The following KCNH8 variants were observed in gnomAD, a reference collection of about 807,000 sequenced individuals.
KCNH8 encodes the protein potassium voltage-gated channel subfamily H member 8, also known as voltage-gated delayed rectifier potassium channel KCNH8.
A neutral mutation model predicts 103.6 loss-of-function variants in KCNH8; 70 were observed. The ratio of observed to expected loss-of-function variants is 0.68; its 90% CI spans 0.56 to 0.82. The LOEUF (loss-of-function observed/expected upper bound fraction) is 0.82. KCNH8 is among the 40% of genes least tolerant of loss of function. KCNH8 has a pLI of 0.00. For missense variants in KCNH8, 1,217 were observed against 1,329.9 expected (o/e 0.92, Z 1.32); for synonymous variants, 498 against 489.4 (o/e 1.02, Z -0.23).
intron 8 of KCNH8, among the ~76,000 whole-genome samples, chr3:19,444,739 T>G (rs1298274763): frequency 6.7e-6 from 1 of 150,152 alleles, no homozygotes; most frequent in African/African-American, 2.4e-5. Flanking sequence ...GACAAACATA[T>G]ACAAAGGTGC....
At chr3:19,271,955 G>C (rs2064594488) in intron 2 of KCNH8, among the ~76,000 whole-genome samples, 1 of 152,000 alleles carries the variant, frequency 6.6e-6, no homozygotes, top group South Asian at 2.1e-4. Flanking sequence ...ATAATTCACT[G>C]AAAAATATAT....
At chr3:19,449,331 A>G (rs2125181936) in intron 8 of KCNH8, among the ~76,000 whole-genome samples, 1 of 150,012 alleles carries the variant, frequency 6.7e-6, no homozygotes, top group East Asian at 2.0e-4. Flanking sequence ...CTGCTGGTGC[A>G]TCTCATGGTG....
At chr3:19,190,511 A>G (rs114237641) in intron 1 of KCNH8, among the ~76,000 whole-genome samples, 6,284 of 152,086 alleles carry the variant, frequency 0.041, 465 homozygotes, top group African/African-American at 0.14. Flanking sequence ...ACTGTTGATG[A>G]GTTATAAGGA....
At position 19,364,596 on chromosome 3, in the gene KCNH8, C is replaced by T. The variant is rs561347043; in HGVS notation, c.811+16631C>T. Among the ~76,000 whole-genome samples, 22 of 152,112 alleles carry T rather than the reference C, an allele frequency of 1.4e-4. 2 individuals are homozygous for T. In the South Asian group the frequency reaches 4.6e-3, roughly 32 times the overall value. On this transcript the variant is annotated intron_variant, in intron 5 of 15. Coordinates refer to ENST00000328405, the MANE Select transcript of KCNH8 (RefSeq NM_144633.3). ...CAATAATTATACAAAAAACAGAAAA[C>T]TACACTACCACTTCAGATTCCCAGT...
chr3:19,276,903 A>T (rs2064681205), intron 2 of KCNH8, among the ~76,000 whole-genome samples: 2 of 152,154 alleles, frequency 1.3e-5, no homozygotes, highest in South Asian at 4.1e-4. Flanking sequence ...AGATATCTGC[A>T]TTCCTGTATT....
intron 11 of KCNH8, among the ~76,000 whole-genome samples, chr3:19,463,745 C>G (rs1160766865): frequency 6.6e-6 from 1 of 151,926 alleles, no homozygotes; most frequent in Non-Finnish European, 1.5e-5. Context: ...CAAAGTGTAT[C>G]CAAAAATTTT....
At chr3:19,207,839 C>G (rs2063732055) in intron 1 of KCNH8, among the ~76,000 whole-genome samples, 1 of 151,806 alleles carries the variant, frequency 6.6e-6, no homozygotes, top group African/African-American at 2.4e-5. Flanking sequence ...TGGCTTTTCT[C>G]ACCAAAAATA....
chr3:19,503,829 G>A (rs1021273328), intron 11 of KCNH8, among the ~76,000 whole-genome samples: 8 of 151,892 alleles, frequency 5.3e-5, no homozygotes, highest in Non-Finnish European at 8.8e-5. Flanking sequence ...CCTAATGCTA[G>A]ATGACGAGTT....
intron 7 of KCNH8, among the ~76,000 whole-genome samples, chr3:19,400,900 CCTA>C (rs2066603403): frequency 2.0e-5 from 3 of 151,826 alleles, no homozygotes; most frequent in Non-Finnish European, 4.4e-5. Context: ...ATTTACTAAC[CCTA>C]CTTTTTCAGG....
intron 5 of KCNH8, among the ~76,000 whole-genome samples, chr3:19,367,497 C>T (rs1252452704): frequency 6.8e-6 from 1 of 146,074 alleles, no homozygotes; most frequent in African/African-American, 2.6e-5. Context: ...AAACTTTGAG[C>T]TCTCAGAGAA....
chr3:19,234,431 G>C (rs1035592902), intron 1 of KCNH8, among the ~76,000 whole-genome samples: 1 of 152,234 alleles, frequency 6.6e-6, no homozygotes, highest in Non-Finnish European at 1.5e-5. Context: ...CCTGCCCCGC[G>C]AGAAGCCAGC....
chr3:19,334,124 T>C (rs535519785), intron 3 of KCNH8, among the ~76,000 whole-genome samples: 1 of 151,646 alleles, frequency 6.6e-6, no homozygotes, highest in Non-Finnish European at 1.5e-5. Context: ...CAGTCCCGTA[T>C]GGACCGTCAT....
intron 4 of KCNH8, chr3:19,346,714 A>T (rs532643925): frequency 2.2e-6 from 1 of 456,240 alleles, no homozygotes; most frequent in East Asian, 7.0e-5. Flanking sequence ...TGAGACAAGA[A>T]CACAACATTG....
intron 2 of KCNH8, among the ~76,000 whole-genome samples, chr3:19,270,596 G>T (rs953638300): frequency 1.3e-5 from 2 of 152,076 alleles, no homozygotes; most frequent in African/African-American, 4.8e-5. Flanking sequence ...TTCTAGTGAG[G>T]TGCCCACTTT....
chr3:19,294,757 T>C (rs2064973503), intron 3 of KCNH8, among the ~76,000 whole-genome samples: 1 of 152,192 alleles, frequency 6.6e-6, no homozygotes. Flanking sequence ...CACAGTATGA[T>C]GTAATGAGAA....
chr3:19,420,816 T>A (rs1268996488), intron 7 of KCNH8, among the ~76,000 whole-genome samples: 1 of 152,162 alleles, frequency 6.6e-6, no homozygotes, highest in Non-Finnish European at 1.5e-5. Flanking sequence ...GAGTTAGAGA[T>A]ACTTAAATGA....
chr3:19,257,073 AT>A (rs746547170), intron 2 of KCNH8, among the ~76,000 whole-genome samples: 24 of 152,180 alleles, frequency 1.6e-4, no homozygotes, highest in Non-Finnish European at 2.6e-4. Context: ...GAAATTGATT[AT>A]TAGCCTATGG....
intron 15 of KCNH8, among the ~76,000 whole-genome samples, chr3:19,525,688 T>A (rs1354528350): frequency 6.6e-6 from 1 of 151,968 alleles, no homozygotes; most frequent in Non-Finnish European, 1.5e-5. Context: ...TTGGTAATGC[T>A]AGACTTGTAA....
intron 15 of KCNH8, among the ~76,000 whole-genome samples, chr3:19,531,147 T>G (rs900836431): frequency 2.0e-5 from 3 of 152,246 alleles, no homozygotes; most frequent in Admixed American, 1.3e-4. Context: ...GGAAATGAAC[T>G]AATGTAGCCC....
Sources: gnomAD v4.1 joint callset for allele counts (sites outside exome capture counted in the v4.1 genomes callset) on GRCh38, gnomAD v4.1.1 for gene constraint, MANE v1.5 for transcripts, NCBI Gene and HGNC (gene_info 2026-07-23, HGNC 2026-07-21) for gene names.